Variants in FHIT observed in about 807,000 individuals in gnomAD.
The protein encoded by FHIT is bis(5'-adenosyl)-triphosphatase.
A neutral mutation model predicts 17.9 loss-of-function variants in FHIT; 19 were observed. That is an observed-to-expected ratio of 1.06 (90% confidence interval 0.74 to 1.56). The LOEUF (loss-of-function observed/expected upper bound fraction) is 1.56, where lower values mean the gene tolerates loss of function less well. FHIT is among the 40% of genes most tolerant of loss of function. FHIT has a pLI of 0.00. For missense variants in FHIT, 248 were observed against 189.2 expected (o/e 1.31, Z -1.82); for synonymous variants, 81 against 69.7 (o/e 1.16, Z -0.81).
At chr3:60,587,308 A>T (rs2037938768) in intron 4 of FHIT, among the ~76,000 whole-genome samples, 1 of 152,066 alleles carries the variant, frequency 6.6e-6, no homozygotes, top group African/African-American at 2.4e-5. Context: ...CAATGAGAAC[A>T]CATGAACACT....
chr3:61,184,083 G>C (rs941237215), intron 2 of FHIT, among the ~76,000 whole-genome samples: 5 of 151,888 alleles, frequency 3.3e-5, no homozygotes, highest in Admixed American at 6.6e-5. Context: ...GAGAAATCTG[G>C]GACCTGATGC....
intron 5 of FHIT, among the ~76,000 whole-genome samples, chr3:60,214,871 G>A (rs1412924303): frequency 6.6e-6 from 1 of 152,084 alleles, no homozygotes; most frequent in African/African-American, 2.4e-5. Flanking sequence ...TTGCAGCAAC[G>A]TGGATGCAGC....
At chr3:60,010,328 T>G (rs1046599746) in intron 7 of FHIT, among the ~76,000 whole-genome samples, 2 of 152,102 alleles carry the variant, frequency 1.3e-5, no homozygotes, top group Non-Finnish European at 2.9e-5. Flanking sequence ...ATTAGGAGGC[T>G]AGCCCTTTTT....
At chr3:60,363,658 C>A (rs75722062) in intron 5 of FHIT, among the ~76,000 whole-genome samples, 20 of 151,984 alleles carry the variant, frequency 1.3e-4, no homozygotes, top group African/African-American at 4.8e-4. Context: ...AAAGCCTCTG[C>A]GCTGTGTATC....
intron 3 of FHIT, among the ~76,000 whole-genome samples, chr3:60,893,935 A>C (rs193043556): frequency 1.9e-4 from 29 of 152,312 alleles, no homozygotes; most frequent in Non-Finnish European, 3.1e-4. Context: ...TATACAATTT[A>C]TATTTCCCTA....
chr3:60,623,525 G>T (rs2039193843), intron 4 of FHIT, among the ~76,000 whole-genome samples: 1 of 152,020 alleles, frequency 6.6e-6, no homozygotes, highest in Non-Finnish European at 1.5e-5. Flanking sequence ...GCTGTGTTCT[G>T]ACCTCAAGTG....
At chr3:60,523,788 G>A (rs2035467264) in intron 5 of FHIT, among the ~76,000 whole-genome samples, 1 of 152,166 alleles carries the variant, frequency 6.6e-6, no homozygotes, top group Non-Finnish European at 1.5e-5. Flanking sequence ...TGCTGGGCAT[G>A]GGAGGGGTTG....
chr3:60,788,659 G>T lies in FHIT; in HGVS notation c.-18+33260C>A, dbSNP rs141621993. Reference sequence around the variant, plus strand: ...ATGCATCTCCAGGGCAGGAGACAGGGTGTTGACATTCACAGTATAGCCTAA... The same window carrying T: ...ATGCATCTCCAGGGCAGGAGACAGGTTGTTGACATTCACAGTATAGCCTAA... On this transcript the variant is annotated intron_variant, in intron 4 of 9. Transcript: ENST00000492590. Among the ~76,000 whole-genome samples the T allele has an allele frequency of 6.6e-3, 1,001 of 152,184 alleles. 16 individuals are homozygous for T. The highest frequency in any genetic ancestry group is 0.023 in the African/African-American group (935 of 41,508).
chr3:60,282,261 T>C (rs1707495665), intron 5 of FHIT, among the ~76,000 whole-genome samples: 1 of 152,164 alleles, frequency 6.6e-6, no homozygotes, highest in Admixed American at 6.5e-5. Flanking sequence ...AACACGAGAA[T>C]GTATAAACAA....
intron 3 of FHIT, among the ~76,000 whole-genome samples, chr3:60,931,786 A>T (rs1707969673): frequency 6.6e-6 from 1 of 152,196 alleles, no homozygotes; most frequent in South Asian, 2.1e-4. Flanking sequence ...TTTTTTAAAG[A>T]GCATATATAA....
chr3:60,189,982 AC>A (rs1702330183), intron 5 of FHIT, among the ~76,000 whole-genome samples: 1 of 152,108 alleles, frequency 6.6e-6, no homozygotes, highest in Non-Finnish European at 1.5e-5. Flanking sequence ...TCCCTTAGGA[AC>A]CCATCTGACC....
intron 4 of FHIT, among the ~76,000 whole-genome samples, chr3:60,578,587 C>A (rs2037650765): frequency 6.6e-6 from 1 of 151,968 alleles, no homozygotes; most frequent in Non-Finnish European, 1.5e-5. Context: ...AGAAATTAAC[C>A]AATTCAGCTT....
intron 3 of FHIT, among the ~76,000 whole-genome samples, chr3:61,010,409 T>C (rs2031724263): frequency 6.6e-6 from 1 of 152,208 alleles, no homozygotes; most frequent in Non-Finnish European, 1.5e-5. Context: ...TTTACATGCA[T>C]TCATTCATTT....
intron 3 of FHIT, among the ~76,000 whole-genome samples, chr3:61,019,304 G>A (rs182473600): frequency 2.6e-5 from 4 of 152,290 alleles, no homozygotes; most frequent in Admixed American, 1.3e-4. Flanking sequence ...GGTTTAAAAC[G>A]TATTTGGAAA....
chr3:59,988,578 G>A (rs148796684), intron 7 of FHIT, among the ~76,000 whole-genome samples: 119 of 151,922 alleles, frequency 7.8e-4, no homozygotes, highest in African/African-American at 2.6e-3. Flanking sequence ...TGTATCTGGC[G>A]CTCCTCTAAG....
At chr3:59,856,373 C>T (rs969152455) in intron 8 of FHIT, among the ~76,000 whole-genome samples, 1 of 152,068 alleles carries the variant, frequency 6.6e-6, no homozygotes, top group East Asian at 1.9e-4. Context: ...GCAAATTTTT[C>T]CCAATGTTCA....
chr3:60,483,630 C>G (rs1243063636), intron 5 of FHIT, among the ~76,000 whole-genome samples: 1 of 151,866 alleles, frequency 6.6e-6, no homozygotes, highest in Non-Finnish European at 1.5e-5. Flanking sequence ...ATTCAACATC[C>G]CTTCGTGTTA....
chr3:60,588,941 A>G (rs1370593737), intron 4 of FHIT, among the ~76,000 whole-genome samples: 1 of 152,022 alleles, frequency 6.6e-6, no homozygotes, highest in Non-Finnish European at 1.5e-5. Flanking sequence ...AATTGGTCAT[A>G]AATATGATGA....
intron 5 of FHIT, among the ~76,000 whole-genome samples, chr3:60,359,099 T>A (rs1699790221): frequency 6.6e-6 from 1 of 151,976 alleles, no homozygotes; most frequent in Admixed American, 6.6e-5. Context: ...GTGAGCCAAA[T>A]CACATGCATT....
Sources: allele counts gnomAD v4.1 joint callset (sites outside exome capture counted in the v4.1 genomes callset), GRCh38; gene constraint gnomAD v4.1.1; transcripts MANE v1.5; gene names NCBI Gene and HGNC (gene_info 2026-07-23, HGNC 2026-07-21).